Variants in ARHGEF3 observed in about 807,000 individuals in gnomAD.
ARHGEF3 encodes the protein Rho guanine nucleotide exchange factor 3.
ARHGEF3 carries 28 observed loss-of-function variants against 63.2 expected under a neutral mutation model. The observed-to-expected ratio is 0.44, with a 90% CI of 0.33 to 0.61. The LOEUF is 0.61. ARHGEF3 is among the 20% of genes least tolerant of loss of function. The pLI, the probability that ARHGEF3 is intolerant of heterozygous loss-of-function variation, is 0.03. For missense variants in ARHGEF3, 533 were observed against 659.3 expected, an observed-to-expected ratio of 0.81 and a Z score of 2.10; for synonymous variants, 266 against 254.2, an observed-to-expected ratio of 1.05 and a Z score of -0.44.
intron 1 of ARHGEF3, among the ~76,000 whole-genome samples, chr3:57,051,968 A>C (rs1477588033): frequency 6.6e-6 from 1 of 152,096 alleles, no homozygotes; most frequent in South Asian, 2.1e-4. Context: ...GCCTCAAAAA[A>C]AAAAAAGTAC....
At chr3:56,895,632 T>C (rs1334643772) in intron 3 of ARHGEF3, among the ~76,000 whole-genome samples, 1 of 151,764 alleles carries the variant, frequency 6.6e-6, no homozygotes. Context: ...CCGGGCTAAT[T>C]TTTTGTATTT....
At chr3:56,795,610 G>A (rs977437667) in intron 1 of ARHGEF3, among the ~76,000 whole-genome samples, 1 of 150,112 alleles carries the variant, frequency 6.7e-6, no homozygotes, top group African/African-American at 2.5e-5. Context: ...GCCAGTAGAA[G>A]GTTTGGAAAC....
chr3:57,078,053 GCTAA>G (rs952421069), intron 1 of ARHGEF3, among the ~76,000 whole-genome samples: 1 of 152,220 alleles, frequency 6.6e-6, no homozygotes, highest in African/African-American at 2.4e-5. Context: ...CACAAGAGCA[GCTAA>G]CACAGAGGAT....
At chr3:57,063,746 C>T (rs1266030858) in intron 1 of ARHGEF3, among the ~76,000 whole-genome samples, 1 of 152,080 alleles carries the variant, frequency 6.6e-6, no homozygotes, top group Non-Finnish European at 1.5e-5. Flanking sequence ...GAGAACAGGC[C>T]ATTGGGATGA....
intron 2 of ARHGEF3, among the ~76,000 whole-genome samples, chr3:56,766,798 C>T (rs1218580798): frequency 6.6e-6 from 1 of 151,806 alleles, no homozygotes; most frequent in African/African-American, 2.4e-5. Flanking sequence ...AGAAGCCTTG[C>T]CGTATCAACG....
intron 2 of ARHGEF3, among the ~76,000 whole-genome samples, chr3:57,011,137 G>A (rs561304583): frequency 6.6e-6 from 1 of 152,166 alleles, no homozygotes; most frequent in Admixed American, 6.5e-5. Context: ...TCGGAGGGAA[G>A]GTGAAACTGG....
chr3:56,850,827 C>T (rs1019184779), intron 4 of ARHGEF3, among the ~76,000 whole-genome samples: 6 of 152,124 alleles, frequency 3.9e-5, no homozygotes, highest in African/African-American at 1.4e-4. Flanking sequence ...TGCCAGGAGC[C>T]ATGCTAAATA....
chr3:57,036,971 T>C (rs990935954), intron 1 of ARHGEF3, among the ~76,000 whole-genome samples: 9 of 152,214 alleles, frequency 5.9e-5, no homozygotes, highest in Admixed American at 5.2e-4. Context: ...CTGGGACCCT[T>C]GTACCCCAAG....
intron 1 of ARHGEF3, among the ~76,000 whole-genome samples, chr3:57,047,554 T>C (rs1704507782): frequency 6.6e-6 from 1 of 152,198 alleles, no homozygotes; most frequent in Non-Finnish European, 1.5e-5. Context: ...GGGACTATTA[T>C]GGAGATCCAA....
intron 3 of ARHGEF3, among the ~76,000 whole-genome samples, chr3:56,900,258 A>G (rs1015120317): frequency 6.6e-6 from 1 of 152,242 alleles, no homozygotes; most frequent in Non-Finnish European, 1.5e-5. Flanking sequence ...CCAAGTGAGA[A>G]ATCTAAACAC....
At position 57,007,308 on chromosome 3, in the gene ARHGEF3, C is replaced by T. The variant is rs774720710; in HGVS notation, c.62+27780G>A. The T allele has an allele frequency of 1.4e-5, 18 of 1,289,590 alleles. No homozygotes were observed. In the East Asian group the frequency reaches 2.2e-4, roughly 16 times the overall value. 79.9% of individuals were successfully genotyped at this position (1,289,590 alleles called of 1,614,324 possible). ...AACCAGTTGTTCCTGCCATTGATTG[C>T]GCTGGTTCCAGAAACACCTCCAACA... is the stretch of plus-strand genomic sequence containing the variant. On this transcript the variant is annotated intron_variant, in intron 2 of 12. Coordinates refer to the ARHGEF3 transcript ENST00000338458.
intron 8 of ARHGEF3, among the ~76,000 whole-genome samples, chr3:56,734,412 G>A (rs1428183807): frequency 6.6e-6 from 1 of 152,116 alleles, no homozygotes; most frequent in African/African-American, 2.4e-5. Flanking sequence ...ACAGACACTG[G>A]GGACTCTAAA....
intron 4 of ARHGEF3, among the ~76,000 whole-genome samples, chr3:56,868,068 C>A (rs13317313): frequency 0.14 from 21,208 of 152,086 alleles, 1,620 homozygotes; most frequent in African/African-American, 0.19. Flanking sequence ...TGGCTCATTT[C>A]AAACAACCTC....
In ARHGEF3 at chr3:56,956,217, GTT is replaced by G. The variant is rs57803439; in HGVS notation, c.129+2604_129+2605del. Among the ~76,000 whole-genome samples, 367 of 149,910 alleles carry G rather than the reference GTT, an allele frequency of 2.4e-3. 1 individual carries two copies. Among genetic ancestry groups the G allele is most frequent in the African/African-American group, 8.9e-3 (358 of 40,348 alleles). On this transcript the variant is annotated intron_variant, in intron 3 of 12. Transcript: ENST00000338458. Reference sequence around the variant, plus strand: ...GCAATTAGCCAGGGGCAGGGTTGGTGTTTTTTTTTTTTTTGTTTGTTTGTTTT... The same window carrying G: ...GCAATTAGCCAGGGGCAGGGTTGGTGTTTTTTTTTTTTGTTTGTTTGTTTT...
At chr3:56,954,088 C>G (rs1699934369) in intron 3 of ARHGEF3, among the ~76,000 whole-genome samples, 1 of 152,100 alleles carries the variant, frequency 6.6e-6, no homozygotes, top group Non-Finnish European at 1.5e-5. Context: ...CTCAAATGGA[C>G]TAGACAAAAG....
At chr3:56,881,408 AG>A (rs1308729201) in intron 4 of ARHGEF3, among the ~76,000 whole-genome samples, 1 of 152,194 alleles carries the variant, frequency 6.6e-6, no homozygotes, top group East Asian at 1.9e-4. Flanking sequence ...AGGGGAGCCC[AG>A]GGAGGGCCTG....
chr3:56,969,711 C>T (rs1401983219), intron 2 of ARHGEF3, among the ~76,000 whole-genome samples: 1 of 148,820 alleles, frequency 6.7e-6, no homozygotes, highest in Non-Finnish European at 1.5e-5. Flanking sequence ...CGAGATCGCA[C>T]CACTGCACTC....
At chr3:56,892,946 C>T (rs1257908665) in intron 3 of ARHGEF3, among the ~76,000 whole-genome samples, 2 of 152,208 alleles carry the variant, frequency 1.3e-5, no homozygotes, top group Non-Finnish European at 2.9e-5. Flanking sequence ...ACACCTACTC[C>T]TTGGGGCAAT....
At chr3:56,792,114 A>AAAAAAG (rs1175473712) in intron 1 of ARHGEF3, among the ~76,000 whole-genome samples, 1 of 117,912 alleles carries the variant, frequency 8.5e-6, no homozygotes, top group African/African-American at 4.5e-5. Flanking sequence ...AAAAAAAAAA[A>AAAAAAG]AAAGAAAAGA....
Sources: allele counts gnomAD v4.1 joint callset (sites outside exome capture counted in the v4.1 genomes callset), GRCh38; gene constraint gnomAD v4.1.1; transcripts MANE v1.5; gene names NCBI Gene and HGNC (gene_info 2026-07-23, HGNC 2026-07-21).